The following PTPRG variants were observed in gnomAD, a reference collection of about 807,000 sequenced individuals.
The protein encoded by PTPRG is receptor-type tyrosine-protein phosphatase gamma.
A neutral mutation model predicts 165.3 loss-of-function variants in PTPRG; 102 were observed. The observed-to-expected ratio is 0.62, with a 90% CI of 0.53 to 0.73. PTPRG has a LOEUF of 0.73. Ranked by LOEUF, PTPRG falls within the 30% of genes least tolerant of loss-of-function variation. PTPRG has a pLI of 0.00. For synonymous variants in PTPRG, 675 were observed against 669.5 expected (o/e 1.01, Z -0.13); for missense variants, 1,866 against 1,861.4 (o/e 1.00, Z -0.05).
chr3:61,562,241 A>G lies in PTPRG; in HGVS notation c.-47A>G, dbSNP rs760319756. 1.3e-6 allele frequency: 2 copies of G among 1,569,082 alleles called. No homozygotes were observed. Among genetic ancestry groups the G allele is most frequent in the Admixed American group, 1.7e-5 (1 of 59,950 alleles). ...TCGCACGGAGGCAAGAACTTATTCA[A>G]CAAGTTTACCTCCCTGCTTTCCTCT... On this transcript the variant is annotated 5_prime_UTR_variant, in exon 1 of 30. Coordinates refer to ENST00000474889, the MANE Select transcript of PTPRG (RefSeq NM_002841.4).
In PTPRG at chr3:61,881,193, G is replaced by A. The variant is rs539467716; in HGVS notation, c.191-108432G>A. On this transcript the variant is annotated intron_variant, in intron 2 of 29. Transcript: ENST00000474889. ...ACAAGGGGCTTGCTCTCTAAAAACA[G>A]CCTTCTTCTTTCCCGATAGATTGTA... is the stretch of plus-strand genomic sequence containing the variant. Among the ~76,000 whole-genome samples, 18 of 152,206 alleles carry A rather than the reference G, an allele frequency of 1.2e-4. No individual in the cohort carries two copies. The East Asian group carries it at 3.5e-3, about 29-fold the overall frequency.
chr3:61,703,648 G>A (rs1209427595), intron 1 of PTPRG, among the ~76,000 whole-genome samples: 1 of 152,150 alleles, frequency 6.6e-6, no homozygotes, highest in Non-Finnish European at 1.5e-5. Flanking sequence ...GATTGTATCA[G>A]TGAAACTTCA....
intron 2 of PTPRG, among the ~76,000 whole-genome samples, chr3:61,928,897 C>T (rs1053008304): frequency 1.3e-5 from 2 of 152,070 alleles, no homozygotes; most frequent in Non-Finnish European, 1.5e-5. Context: ...GGTGATTTTT[C>T]TCTTCCCCTA....
At chr3:62,172,059 G>A (rs1486725321) in intron 8 of PTPRG, among the ~76,000 whole-genome samples, 1 of 152,062 alleles carries the variant, frequency 6.6e-6, no homozygotes, top group Admixed American at 6.6e-5. Context: ...CTGTATTGGG[G>A]GCTGTGTATC....
At chr3:61,690,195 C>T (rs919462036) in intron 1 of PTPRG, among the ~76,000 whole-genome samples, 54 of 152,162 alleles carry the variant, frequency 3.5e-4, no homozygotes, top group African/African-American at 1.3e-3. Flanking sequence ...TCATTGCATG[C>T]GGCAGATGGC....
At chr3:62,160,545 T>C (rs1371971230) in intron 7 of PTPRG, among the ~76,000 whole-genome samples, 3 of 152,256 alleles carry the variant, frequency 2.0e-5, no homozygotes, top group Non-Finnish European at 4.4e-5. Flanking sequence ...TTCTGTGGGA[T>C]GTCAGAGGAG....
chr3:62,038,788 C>A (rs1297076695), intron 4 of PTPRG, among the ~76,000 whole-genome samples: 2 of 151,388 alleles, frequency 1.3e-5, no homozygotes, highest in Non-Finnish European at 2.9e-5. Context: ...TTTTTTTTTT[C>A]CAACTTCCTC....
intron 2 of PTPRG, among the ~76,000 whole-genome samples, chr3:61,822,285 G>T (rs1056175556): frequency 3.3e-5 from 5 of 152,162 alleles, no homozygotes; most frequent in African/African-American, 1.2e-4. Context: ...TGGGTTTCAC[G>T]TTGTAATTGG....
At chr3:62,121,454 C>T (rs1703069751) in intron 5 of PTPRG, among the ~76,000 whole-genome samples, 1 of 152,150 alleles carries the variant, frequency 6.6e-6, no homozygotes, top group Admixed American at 6.5e-5. Context: ...CATGACTATA[C>T]AGCTGCTAAG....
chr3:62,150,515 G>A (rs1235196608), intron 6 of PTPRG, among the ~76,000 whole-genome samples: 2 of 152,186 alleles, frequency 1.3e-5, no homozygotes, highest in African/African-American at 4.8e-5. Flanking sequence ...TGAAGTTTAA[G>A]TGGCGCTGTC....
At chr3:61,592,897 G>A (rs981815859) in intron 1 of PTPRG, among the ~76,000 whole-genome samples, 1 of 151,226 alleles carries the variant, frequency 6.6e-6, no homozygotes. Flanking sequence ...CTTGACCTAA[G>A]TATGGCCCGT....
intron 5 of PTPRG, among the ~76,000 whole-genome samples, chr3:62,096,713 A>C (rs1161216154): frequency 6.6e-6 from 1 of 152,220 alleles, no homozygotes; most frequent in African/African-American, 2.4e-5. Flanking sequence ...TAATACATAA[A>C]AATGACAGTC....
chr3:61,951,663 T>C (rs1382989979), intron 2 of PTPRG, among the ~76,000 whole-genome samples: 1 of 152,000 alleles, frequency 6.6e-6, no homozygotes, highest in Non-Finnish European at 1.5e-5. Context: ...CTACACAGAG[T>C]GTTTTTTGGG....
intron 7 of PTPRG, among the ~76,000 whole-genome samples, chr3:62,162,367 A>G (rs959968793): frequency 6.6e-6 from 1 of 152,212 alleles, no homozygotes; most frequent in Non-Finnish European, 1.5e-5. Flanking sequence ...TGTTTTACAC[A>G]TTCACTTCAA....
rs539091795 is a variant in PTPRG, at chr3:61,763,822, C to T, written c.190+14840C>T. The stretch of plus-strand genomic sequence containing the variant: ...TAATAAAGCTCCATGAATTTGGAGT[C>T]CTTTATGGTATTCCTAGCTTCCCTG... On this transcript the variant is annotated intron_variant, in intron 2 of 29. Transcript: ENST00000474889. Among the ~76,000 whole-genome samples the T allele has an allele frequency of 1.2e-4, 18 of 152,222 alleles. No individual in the cohort carries two copies. In the East Asian group the frequency reaches 3.3e-3, roughly 28 times the overall value.
intron 2 of PTPRG, among the ~76,000 whole-genome samples, chr3:61,875,948 T>C (rs2037727744): frequency 6.6e-6 from 1 of 152,130 alleles, no homozygotes; most frequent in Non-Finnish European, 1.5e-5. Context: ...TGAAATCTAG[T>C]CTCTACTTTT....
chr3:61,832,641 T>G (rs1285245793), intron 2 of PTPRG, among the ~76,000 whole-genome samples: 1 of 152,218 alleles, frequency 6.6e-6, no homozygotes, highest in Non-Finnish European at 1.5e-5. Context: ...CTGAGAAAAC[T>G]GAGATGCAGA....
At chr3:62,049,130 A>C (rs1050301810) in intron 4 of PTPRG, among the ~76,000 whole-genome samples, 7 of 152,114 alleles carry the variant, frequency 4.6e-5, no homozygotes, top group African/African-American at 1.7e-4. Flanking sequence ...CAAAAAAAAA[A>C]ACAGAAGCCG....
At chr3:62,070,995 C>T (rs571414503) in intron 4 of PTPRG, among the ~76,000 whole-genome samples, 2 of 151,954 alleles carry the variant, frequency 1.3e-5, no homozygotes, top group East Asian at 3.9e-4. Context: ...CTGTTGTCTG[C>T]TGCCTCCTAT....
Sources: gnomAD v4.1 joint callset for allele counts (sites outside exome capture counted in the v4.1 genomes callset) on GRCh38, gnomAD v4.1.1 for gene constraint, MANE v1.5 for transcripts, NCBI Gene and HGNC (gene_info 2026-07-23, HGNC 2026-07-21) for gene names.